Variants in CYRIA observed in about 807,000 individuals in gnomAD.
The protein encoded by CYRIA is CYFIP-related Rac1 interactor A.
CYRIA carries 15 observed loss-of-function variants against 43.9 expected under a neutral mutation model. The ratio of observed to expected loss-of-function variants is 0.34; its 90% CI spans 0.23 to 0.53. CYRIA has a LOEUF of 0.53. Among genes scored for constraint, CYRIA ranks in the 20% least tolerant of loss-of-function variants. The pLI, the probability that CYRIA is intolerant of heterozygous loss-of-function variation, is 0.94. For synonymous variants in CYRIA, 117 were observed against 136.0 expected, an observed-to-expected ratio of 0.86 and a Z score of 0.97; for missense variants, 236 against 394.2, an observed-to-expected ratio of 0.60 and a Z score of 3.40.
At chr2:16,653,993 G>C (rs192138759) in intron 1 of CYRIA, among the ~76,000 whole-genome samples, 5 of 152,308 alleles carry the variant, frequency 3.3e-5, no homozygotes, top group Admixed American at 6.5e-5. Flanking sequence ...CATGGGAAGA[G>C]ACAAGAGGAA....
At chr2:16,579,666 G>T (rs1432626272) in intron 3 of CYRIA, among the ~76,000 whole-genome samples, 1 of 151,744 alleles carries the variant, frequency 6.6e-6, no homozygotes, top group Non-Finnish European at 1.5e-5. Flanking sequence ...AATCTCTAAA[G>T]CAAGCAAAAA....
intron 3 of CYRIA, among the ~76,000 whole-genome samples, chr2:16,585,230 AT>A (rs939861787): frequency 3.3e-5 from 5 of 151,992 alleles, no homozygotes; most frequent in Non-Finnish European, 4.4e-5. Context: ...GGATAAAAAA[AT>A]TTTTTTTCCA....
At chr2:16,605,335 G>A (rs994440440) in intron 2 of CYRIA, among the ~76,000 whole-genome samples, 2 of 152,210 alleles carry the variant, frequency 1.3e-5, no homozygotes, top group Non-Finnish European at 2.9e-5. Flanking sequence ...AAGTCAATGT[G>A]TCCCCCACTT....
At chr2:16,563,931 T>C in intron 5 of CYRIA, 58 bp downstream of exon 5, 1 of 1,312,556 alleles carries the variant, frequency 7.6e-7, no homozygotes, top group South Asian at 1.3e-5. Context: ...CACTACCTAC[T>C]CAAACATCAA....
At chr2:16,569,746 T>G (rs1234335117) in intron 3 of CYRIA, among the ~76,000 whole-genome samples, 1 of 152,236 alleles carries the variant, frequency 6.6e-6, no homozygotes. Flanking sequence ...AGTCCATGAT[T>G]CATTCTATTT....
chr2:16,619,647 C>T (rs953585041), intron 2 of CYRIA, among the ~76,000 whole-genome samples: 5 of 152,186 alleles, frequency 3.3e-5, no homozygotes, highest in Non-Finnish European at 5.9e-5. Flanking sequence ...CTAACACCTC[C>T]ATAGGGTCAG....
chr2:16,632,047 GA>G (rs1572190793), intron 1 of CYRIA, among the ~76,000 whole-genome samples: 1 of 152,348 alleles, frequency 6.6e-6, no homozygotes, highest in East Asian at 1.9e-4. Flanking sequence ...ATCTACAAGG[GA>G]CACTGTCAGG....
chr2:16,633,834 A>G (rs1669411061), intron 1 of CYRIA, among the ~76,000 whole-genome samples: 1 of 151,972 alleles, frequency 6.6e-6, no homozygotes, highest in Non-Finnish European at 1.5e-5. Flanking sequence ...ATTTCCTACC[A>G]CCTTCATGAT....
chr2:16,588,198 T>G, intron 2 of CYRIA, 69 bp from the exon 3 acceptor site: 1 of 1,026,668 alleles, frequency 9.7e-7, no homozygotes, highest in Non-Finnish European at 1.5e-6. Context: ...TGAATATCCC[T>G]GGGCCCCCCA....
At chr2:16,561,310 A>C in intron 7 of CYRIA, 33 bp from the exon 8 acceptor site, 1 of 1,550,614 alleles carries the variant, frequency 6.4e-7, no homozygotes, top group Non-Finnish European at 8.9e-7. Flanking sequence ...ATGGATTTAT[A>C]AAGAGAAAGT....
At chr2:16,652,166 CA>C (rs1430690093) in intron 1 of CYRIA, among the ~76,000 whole-genome samples, 1 of 152,196 alleles carries the variant, frequency 6.6e-6, no homozygotes, top group Non-Finnish European at 1.5e-5. Flanking sequence ...CCATTTCTAT[CA>C]TTCCTTTGTG....
intron 2 of CYRIA, among the ~76,000 whole-genome samples, chr2:16,618,713 C>T (rs1668891849): frequency 6.6e-6 from 1 of 152,160 alleles, no homozygotes; most frequent in South Asian, 2.1e-4. Context: ...GATGGCTGCC[C>T]AGTCTCTAGA....
At chr2:16,571,554 A>G (rs1292979062) in intron 3 of CYRIA, among the ~76,000 whole-genome samples, 2 of 152,218 alleles carry the variant, frequency 1.3e-5, no homozygotes, top group Non-Finnish European at 2.9e-5. Flanking sequence ...TTTCCTAACA[A>G]CCCGTTTAGG....
In CYRIA at chr2:16,549,997, TTTG is replaced by T. The variant is rs1296538154; in HGVS notation, c.*2936_*2938del. The T allele has an allele frequency of 6.6e-6, 1 of 151,730 alleles. No homozygotes were observed. Among genetic ancestry groups the T allele is most frequent in the Non-Finnish European group, 1.5e-5 (1 of 67,944 alleles). 9.4% of individuals were successfully genotyped at this position (151,730 alleles called of 1,614,324 possible). On this transcript the variant is annotated 3_prime_UTR_variant, in exon 12 of 12. Coordinates refer to ENST00000381323, the MANE Select transcript of CYRIA (RefSeq NM_030797.4). The stretch of plus-strand genomic sequence containing the variant: ...CATCCATTTCCAGTTGTTTTTTTTT[TTTG>T]TTATTGTTTTTTTTTTTCTACTACT...
chr2:16,639,151 G>A (rs547422334), intron 1 of CYRIA, among the ~76,000 whole-genome samples: 4 of 152,304 alleles, frequency 2.6e-5, no homozygotes, highest in Admixed American at 6.5e-5. Context: ...GGAAGGCCCT[G>A]CCCAGCAATG....
chr2:16,606,789 G>T (rs917014087), intron 2 of CYRIA, among the ~76,000 whole-genome samples: 2 of 152,198 alleles, frequency 1.3e-5, no homozygotes, highest in East Asian at 3.9e-4. Context: ...GGGATGACTC[G>T]ACATCTAAGA....
In CYRIA at chr2:16,650,018, T is replaced by C. The variant is rs1445250466; in HGVS notation, c.-167+15762A>G. Among the ~76,000 whole-genome samples the C allele has an allele frequency of 4.6e-5, 7 of 152,152 alleles. No individual in the cohort carries two copies. Among genetic ancestry groups the C allele is most frequent in the Admixed American group, 1.3e-4 (2 of 15,290 alleles). ...TGCTCGATCGCTTCTGTCATGAGCA[T>C]GACACATTCCAAGAAGCACACACCC... On this transcript the variant is annotated intron_variant, in intron 1 of 11. Transcript: ENST00000381323. The surrounding 1 kb of genome is among the most constrained non-coding windows in gnomAD (Gnocchi z 4.1).
intron 1 of CYRIA, among the ~76,000 whole-genome samples, chr2:16,658,106 G>A (rs1670163965): frequency 6.6e-6 from 1 of 152,184 alleles, no homozygotes; most frequent in Non-Finnish European, 1.5e-5. Context: ...TGATCATATA[G>A]TGCATGTACA....
intron 1 of CYRIA, among the ~76,000 whole-genome samples, chr2:16,639,458 T>C (rs753768269): frequency 1.3e-5 from 2 of 152,242 alleles, no homozygotes; most frequent in Non-Finnish European, 2.9e-5. Flanking sequence ...TCTTTCAATC[T>C]GCCCTCACCC....
Sources: gnomAD v4.1 joint callset for allele counts (sites outside exome capture counted in the v4.1 genomes callset) on GRCh38, gnomAD v4.1.1 for gene constraint, Gnocchi (gnomAD v3.1) non-coding constraint, MANE v1.5 for transcripts, NCBI Gene and HGNC (gene_info 2026-07-23, HGNC 2026-07-21) for gene names.